The following CEP192 variants were observed in gnomAD, a reference collection of about 807,000 sequenced individuals.
The protein encoded by CEP192 is centrosomal protein 192.
A neutral mutation model predicts 271.8 loss-of-function variants in CEP192; 151 were observed. The ratio of observed to expected loss-of-function variants is 0.56; its 90% CI spans 0.49 to 0.64. The LOEUF (loss-of-function observed/expected upper bound fraction) is 0.64, where lower values mean the gene tolerates loss of function less well. CEP192 is among the 30% of genes least tolerant of loss of function. CEP192 has a pLI of 0.00. For missense variants in CEP192, 2,910 were observed against 3,020.5 expected (o/e 0.96, Z 0.86); for synonymous variants, 995 against 1,076.5 (o/e 0.92, Z 1.48).
chr18:13,074,788 C>T (rs933988792), intron 30 of CEP192, among the ~76,000 whole-genome samples: 2 of 152,130 alleles, frequency 1.3e-5, no homozygotes, highest in African/African-American at 4.8e-5. Context: ...TGCAGAGTGG[C>T]GGAAGAGCTG....
chr18:13,001,345 A>ATTTT, intron 2 of CEP192, 112 bp from the exon 3 acceptor site: 1 of 665,994 alleles, frequency 1.5e-6, no homozygotes, highest in Non-Finnish European at 2.5e-6. Context: ...CAGGGGCCCT[A>ATTTT]TTTGTTTTTA....
In CEP192 at chr18:12,999,418, C is replaced by A. The variant is rs1237575930; in HGVS notation, c.-4-3C>A. 6.6e-7 allele frequency: 1 copy of A among 1,523,446 alleles called. No individual in the cohort carries two copies. The highest frequency in any genetic ancestry group is 2.2e-5 in the Admixed American group (1 of 45,784). The allele number at this position is 1,523,446 out of a possible 1,614,324, so 94.4% of individuals were successfully genotyped here. ...ACCTATAGAAATACTTTTGTTATTG[C>A]AGTGAGATGGAAGATTTTCGAGGTA... On this transcript the variant is annotated splice_region_variant and splice_polypyrimidine_tract_variant and intron_variant, in intron 1 of 44. Coordinates refer to ENST00000506447, the MANE Select transcript of CEP192 (RefSeq NM_032142.4).
chr18:13,047,699 TTTG>T (rs1010641347), intron 15 of CEP192, among the ~76,000 whole-genome samples: 33 of 152,316 alleles, frequency 2.2e-4, no homozygotes, highest in Admixed American at 1.1e-3. Flanking sequence ...ACATGTATTT[TTTG>T]TTGTTGTTGT....
At chr18:13,105,450 C>G (rs12961429) in intron 40 of CEP192, among the ~76,000 whole-genome samples, 4 of 152,180 alleles carry the variant, frequency 2.6e-5, no homozygotes, top group East Asian at 3.9e-4. Context: ...ACAGATCCCT[C>G]CAGCTACTAT....
At chr18:13,082,513 GTC>G (rs1237712884) in intron 30 of CEP192, among the ~76,000 whole-genome samples, 1 of 127,936 alleles carries the variant, frequency 7.8e-6, no homozygotes, top group African/African-American at 3.0e-5. Flanking sequence ...GCCTATGTGT[GTC>G]TCTGCACGTG....
intron 17 of CEP192, among the ~76,000 whole-genome samples, chr18:13,051,936 A>G (rs1183180374): frequency 6.6e-6 from 1 of 152,240 alleles, no homozygotes; most frequent in Non-Finnish European, 1.5e-5. Flanking sequence ...TACAAAAAAG[A>G]AAGATGGTGG....
intron 18 of CEP192, among the ~76,000 whole-genome samples, chr18:13,054,585 T>G (rs573137781): frequency 6.6e-6 from 1 of 152,352 alleles, no homozygotes; most frequent in South Asian, 2.1e-4. Context: ...TTCTGCTGCC[T>G]CCTCAGACAG....
intron 1 of CEP192, among the ~76,000 whole-genome samples, chr18:12,992,304 A>G (rs1232539882): frequency 1.3e-5 from 2 of 152,200 alleles, no homozygotes; most frequent in African/African-American, 4.8e-5. Flanking sequence ...GTTTTAAAGT[A>G]TATCTTAAAG....
chr18:13,111,414 C>T (rs993593999), intron 40 of CEP192, among the ~76,000 whole-genome samples: 20 of 152,168 alleles, frequency 1.3e-4, no homozygotes, highest in Non-Finnish European at 1.9e-4. Flanking sequence ...CGTGAGCCAC[C>T]GTGCCCGGCC....
At chr18:13,030,337 C>T (rs919535614) in intron 10 of CEP192, 128 bp from the exon 11 acceptor site, 12 of 786,984 alleles carry the variant, frequency 1.5e-5, no homozygotes, top group Non-Finnish European at 2.3e-5. Flanking sequence ...CTTTTTCTAA[C>T]TAGCTTTGGC....
At chr18:13,051,734 G>C (rs1053829772) in intron 17 of CEP192, among the ~76,000 whole-genome samples, 2 of 152,084 alleles carry the variant, frequency 1.3e-5, no homozygotes, top group African/African-American at 4.8e-5. Flanking sequence ...TAGTAGAGAC[G>C]GGATTTCACC....
intron 11 of CEP192, among the ~76,000 whole-genome samples, chr18:13,034,114 T>G (rs1199083952): frequency 6.6e-6 from 1 of 152,168 alleles, no homozygotes; most frequent in East Asian, 1.9e-4. Flanking sequence ...ATTTGAATTA[T>G]TAGATGTATT....
intron 18 of CEP192, among the ~76,000 whole-genome samples, chr18:13,054,226 T>C (rs2036960351): frequency 6.6e-6 from 1 of 152,184 alleles, no homozygotes; most frequent in South Asian, 2.1e-4. Flanking sequence ...GCCACTGTAG[T>C]GGTTCAGGCA....
intron 38 of CEP192, 81 bp downstream of exon 38, chr18:13,100,593 G>C: frequency 8.8e-7 from 1 of 1,137,588 alleles, no homozygotes; most frequent in Non-Finnish European, 1.3e-6. Context: ...ATAAGTTGGT[G>C]ATAAATATAA....
intron 20 of CEP192, 116 bp from the exon 21 acceptor site, chr18:13,058,966 T>G (rs1327214128): frequency 8.6e-6 from 6 of 694,672 alleles, no homozygotes; most frequent in Non-Finnish European, 1.5e-5. Context: ...GAAGAGATAA[T>G]AAATGTTTTA....
chr18:13,006,890 C>T (rs1226151005), intron 3 of CEP192, among the ~76,000 whole-genome samples: 1 of 152,152 alleles, frequency 6.6e-6, no homozygotes, highest in African/African-American at 2.4e-5. Flanking sequence ...CAGGCAAGCC[C>T]TTCCCTCCCC....
chr18:13,029,792 G>A lies in CEP192; in HGVS notation c.1180G>A (p.Ala394Thr). 1.9e-6 allele frequency: 3 copies of A among 1,551,578 alleles called. No homozygotes were observed. The highest frequency in any genetic ancestry group is 2.6e-6 in the Non-Finnish European group (3 of 1,146,886). Residue 394 changes from alanine (A) to threonine (T), a missense_variant, in exon 10 of 45, where the codon GCA (alanine) becomes ACA (threonine). Ala to Thr is a moderately conservative substitution (Grantham distance 58). Transcript: ENST00000506447. ...FDLTDPVKQG[A>T]ECPHQNKTVL... ...TCTGACTGACCCTGTAAAACAGGGG[G>A]CAGAGTGTCCTCACCAAAATAAGAC...
intron 39 of CEP192, 77 bp from the exon 40 acceptor site, chr18:13,104,907 A>C: frequency 9.4e-7 from 1 of 1,068,524 alleles, no homozygotes; most frequent in Non-Finnish European, 1.5e-6. Flanking sequence ...CTCCGCAGCC[A>C]TAGAGGTAAT....
chr18:13,104,081 A>C, intron 39 of CEP192: 1 of 314,492 alleles, frequency 3.2e-6, no homozygotes, highest in Non-Finnish European at 6.3e-6. Flanking sequence ...GGTGGTTTTG[A>C]GAATCAAATT....
Sources: allele counts gnomAD v4.1 joint callset (sites outside exome capture counted in the v4.1 genomes callset), GRCh38; gene constraint gnomAD v4.1.1; transcripts MANE v1.5; gene names NCBI Gene and HGNC (gene_info 2026-07-23, HGNC 2026-07-21).